SMG1: variants seen among roughly 807,000 people sequenced by gnomAD.
SMG1 encodes the protein SMG1 nonsense mediated mRNA decay associated PI3K related kinase, also known as serine/threonine-protein kinase SMG1.
A neutral mutation model predicts 419.9 loss-of-function variants in SMG1; 22 were observed. The observed-to-expected ratio is 0.05, with a 90% CI of 0.04 to 0.07. The LOEUF (loss-of-function observed/expected upper bound fraction) is 0.07. Ranked by LOEUF, SMG1 falls within the 10% of genes least tolerant of loss-of-function variation. The pLI is 1.00. For missense variants in SMG1, 3,185 were observed against 4,342.0 expected (o/e 0.73, Z 7.49); for synonymous variants, 1,538 against 1,553.5 (o/e 0.99, Z 0.23).
intron 1 of SMG1, among the ~76,000 whole-genome samples, chr16:18,916,146 A>C (rs1402353309): frequency 6.6e-6 from 1 of 151,182 alleles, no homozygotes; most frequent in Non-Finnish European, 1.5e-5. Flanking sequence ...TATCTCAAAG[A>C]AGCACCACAA....
intron 62 of SMG1, 67 bp downstream of exon 62, chr16:18,811,694 G>T (rs916765878): frequency 2.0e-5 from 26 of 1,278,838 alleles, no homozygotes; most frequent in Non-Finnish European, 2.6e-5. Flanking sequence ...CGATGAGAGG[G>T]ATCTTTATAC....
Position 18,896,189 on chromosome 16 carries a change from C to G in SMG1, c.275G>C (p.Gly92Ala). 1 of 1,517,570 alleles carries G rather than the reference C, an allele frequency of 6.6e-7. No homozygotes were observed. The highest frequency in any genetic ancestry group is 9.1e-7 in the Non-Finnish European group (1 of 1,093,910). The allele number at this position is 1,517,570 out of a possible 1,614,324, so 94.0% of individuals were successfully genotyped here. A position where few individuals can be genotyped will look rare whatever the true frequency, so the allele number is the denominator to read the frequency against. The stretch of plus-strand genomic sequence containing the variant: ...ACCATAAGTATTTTCCCCAGATCCT[C>G]CATTGACACTGTAGCCACCTACAAA... ...NDEKGGYSVNGGSGENTYGRK... is the reference protein window; with the variant it reads ...NDEKGGYSVNAGSGENTYGRK... The change falls in exon 3 of 63, where the codon GGA (glycine) becomes GCA (alanine). Residue 92 changes from glycine (G) to alanine (A), a missense_variant. Around this residue, in one of 27 missense-constraint regions of SMG1, gnomAD observed 42 missense variants for 100.1 expected, o/e 0.42. Coordinates refer to ENST00000446231, the MANE Select transcript of SMG1 (RefSeq NM_015092.5).
intron 52 of SMG1, 44 bp from the exon 53 acceptor site, chr16:18,830,159 C>T (rs373091295): frequency 4.4e-6 from 7 of 1,606,168 alleles, no homozygotes; most frequent in Non-Finnish European, 6.0e-6. Context: ...CCACTCTTGA[C>T]ACAACTGAAC....
intron 38 of SMG1, among the ~76,000 whole-genome samples, chr16:18,845,948 T>A (rs2034238899): frequency 6.6e-6 from 1 of 151,994 alleles, no homozygotes; most frequent in Non-Finnish European, 1.5e-5. Flanking sequence ...CCTGAGTAGC[T>A]GCGACTACAC....
In SMG1 at chr16:18,817,380, G is replaced by C; in HGVS notation, c.9985C>G (p.Leu3329Val). 1 of 1,610,700 alleles carries C rather than the reference G, an allele frequency of 6.2e-7. No individual in the cohort carries two copies. Residue 3329 changes from leucine to valine, a missense_variant, in exon 57 of 63, where the codon CTA becomes GTA. By Grantham distance (32) the Leu-to-Val change is conservative (BLOSUM62 1). Transcript: ENST00000446231. ...CACATCTGCTGACATCGCTTGATTAGTTCAAATAACGCCGCATCCAGGTTT... is the reference window on the plus strand; with the variant it reads ...CACATCTGCTGACATCGCTTGATTACTTCAAATAACGCCGCATCCAGGTTT... ...ALNLDAALFELIKRCQQMCSF... is the reference protein window; with the variant it reads ...ALNLDAALFEVIKRCQQMCSF...
At chr16:18,920,045 C>T (rs1347425444) in intron 1 of SMG1, among the ~76,000 whole-genome samples, 3 of 150,998 alleles carry the variant, frequency 2.0e-5, no homozygotes, top group African/African-American at 7.3e-5. Flanking sequence ...GAGCCAAGAT[C>T]GTGCCACTGC....
intron 34 of SMG1, 27 bp downstream of exon 34, chr16:18,850,210 A>G: frequency 1.3e-6 from 2 of 1,580,034 alleles, no homozygotes; most frequent in East Asian, 4.5e-5. Context: ...TCCAAAATAA[A>G]TTTTCTTAGA....
chr16:18,870,838 C>G lies in SMG1; in HGVS notation c.2353G>C (p.Ala785Pro), dbSNP rs1308092958. Residue 785 changes from alanine to proline, a missense_variant, in exon 17 of 63, where the codon GCT (alanine) becomes CCT (proline). Around this residue, in one of 27 missense-constraint regions of SMG1, gnomAD observed 297 missense variants for 491.0 expected, o/e 0.60. Coordinates refer to ENST00000446231, the MANE Select transcript of SMG1 (RefSeq NM_015092.5). Reference sequence around the variant, plus strand: ...TCATCTGGCAAGGAAGAGGACAGAGCATGTAGACTGCTGCATGCCTGCAGA... The same window carrying G: ...TCATCTGGCAAGGAAGAGGACAGAGGATGTAGACTGCTGCATGCCTGCAGA... ...ICLQACSSLH[A>P]LSSSLPDDLL... 18 of 1,589,508 alleles carry G rather than the reference C, an allele frequency of 1.1e-5. No homozygotes were observed. The highest frequency in any genetic ancestry group is 1.5e-5 in the Non-Finnish European group (18 of 1,167,788).
chr16:18,805,238 T>C lies in SMG1; in HGVS notation c.*4331A>G, dbSNP rs2030715203. 1 of 152,132 alleles carries C rather than the reference T, an allele frequency of 6.6e-6. No homozygotes were observed. Among genetic ancestry groups the C allele is most frequent in the Non-Finnish European group, 1.5e-5 (1 of 67,998 alleles). 9.4% of individuals were successfully genotyped at this position (152,132 alleles called of 1,614,324 possible). On this transcript the variant is annotated 3_prime_UTR_variant, in exon 63 of 63. Transcript: ENST00000446231. ...AATTTAAACCAGAAAAATGACACAA[T>C]AACTTTAAAGAGGAGCTGAAACTTT...
intron 1 of SMG1, among the ~76,000 whole-genome samples, chr16:18,914,292 CATGAAT>C (rs1481150068): frequency 7.2e-5 from 11 of 151,970 alleles, no homozygotes; most frequent in Non-Finnish European, 1.3e-4. Context: ...ATAATAATAA[CATGAAT>C]ATGAATATCA....
chr16:18,838,745 A>G, intron 42 of SMG1, 56 bp from the exon 43 acceptor site: 1 of 1,126,746 alleles, frequency 8.9e-7, no homozygotes, highest in Non-Finnish European at 1.3e-6. Flanking sequence ...ATTTCCCTCC[A>G]ACATGGACGT....
In SMG1 at chr16:18,829,371, T is replaced by C; in HGVS notation, c.9518A>G (p.His3173Arg). Residue 3173 changes from histidine to arginine, a missense_variant, in exon 54 of 63, where the codon CAT becomes CGT. His to Arg is a conservative substitution (Grantham distance 29, BLOSUM62 0). This residue lies in a region of SMG1 where 737 missense variants were observed against 846.6 expected (regional missense o/e 0.87). Transcript: ENST00000446231. ...GGTTTCTAGCCTTCGCACCAAGTCA[T>C]GCTTCTTCCAGGCAGTGTCGTAAGA... ...ASSYDTAWKKHDLVRRLETSI... is the reference protein window; with the variant it reads ...ASSYDTAWKKRDLVRRLETSI... 4 of 1,614,076 alleles carry C rather than the reference T, an allele frequency of 2.5e-6. No homozygotes were observed. Among genetic ancestry groups the C allele is most frequent in the South Asian group, 1.1e-5 (1 of 91,088 alleles).
At chr16:18,819,714 G>A (rs2032344049) in intron 55 of SMG1, 60 bp from the exon 56 acceptor site, 9 of 1,426,742 alleles carry the variant, frequency 6.3e-6, no homozygotes, top group Non-Finnish European at 8.4e-6. Flanking sequence ...CCTATTTGTG[G>A]AGTATTTTAT....
intron 36 of SMG1, among the ~76,000 whole-genome samples, chr16:18,848,463 G>C (rs1206194420): frequency 6.6e-6 from 1 of 151,866 alleles, no homozygotes; most frequent in African/African-American, 2.4e-5. Flanking sequence ...CTACAGGTGT[G>C]TGCTACCATA....
chr16:18,864,570 G>C (rs150659878), intron 23 of SMG1, among the ~76,000 whole-genome samples: 2 of 151,752 alleles, frequency 1.3e-5, no homozygotes, highest in East Asian at 3.9e-4. Context: ...ATCATGGCTC[G>C]CTACAGCCTT....
intron 38 of SMG1, among the ~76,000 whole-genome samples, chr16:18,846,556 G>A (rs2034278979): frequency 6.6e-6 from 1 of 152,090 alleles, no homozygotes; most frequent in African/African-American, 2.4e-5. Flanking sequence ...ATTAAAAAAT[G>A]GGCAAAGGAC....
intron 6 of SMG1, among the ~76,000 whole-genome samples, chr16:18,886,344 TA>T (rs1409057197): frequency 1.3e-5 from 2 of 152,190 alleles, no homozygotes; most frequent in Non-Finnish European, 2.9e-5. Context: ...CCATTATACA[TA>T]AATTTTTAAA....
chr16:18,859,676 A>G lies in SMG1; in HGVS notation c.3833T>C (p.Leu1278Ser). 6.2e-7 allele frequency: 1 copy of G among 1,609,936 alleles called. No homozygotes were observed. The highest frequency in any genetic ancestry group is 2.2e-5 in the East Asian group (1 of 44,808). Residue 1278 changes from leucine (L) to serine (S), a missense_variant, in exon 27 of 63, where the codon TTA (leucine) becomes TCA (serine). Coordinates refer to ENST00000446231, the MANE Select transcript of SMG1 (RefSeq NM_015092.5). ...CTGAAGTTCCCTCGGATCCGGACTT[A>G]ACATGTTAGGAAGCAGTTTTTTCAT... Reference protein sequence around the residue: ...IDMKKLLPNMLSPDPRELQKS... With the variant: ...IDMKKLLPNMSSPDPRELQKS...
intron 12 of SMG1, among the ~76,000 whole-genome samples, chr16:18,876,706 C>A (rs1012201311): frequency 2.7e-5 from 4 of 146,542 alleles, no homozygotes; most frequent in African/African-American, 7.7e-5. Flanking sequence ...AAGACATATG[C>A]AAACAGCAGT....
Sources: allele counts gnomAD v4.1 joint callset (sites outside exome capture counted in the v4.1 genomes callset), GRCh38; gene constraint gnomAD v4.1.1; regional missense constraint gnomAD v4.1.1; transcripts MANE v1.5; gene names NCBI Gene and HGNC (gene_info 2026-07-23, HGNC 2026-07-21).